The following HS3ST4 variants were observed in gnomAD, a reference collection of about 807,000 sequenced individuals.
HS3ST4 encodes the protein heparan sulfate glucosamine 3-O-sulfotransferase 4.
HS3ST4 carries 17 observed loss-of-function variants against 29.2 expected under a neutral mutation model. That is an observed-to-expected ratio of 0.58 (90% confidence interval 0.40 to 0.87). HS3ST4 has a LOEUF of 0.87. Ranked by LOEUF, HS3ST4 falls within the 40% of genes least tolerant of loss-of-function variation. The probability of loss-of-function intolerance (pLI) is 0.00; values close to 1 mark genes in which losing one functional copy is unlikely to be tolerated. For synonymous variants in HS3ST4, 314 were observed against 285.7 expected (o/e 1.10, Z -1.00); for missense variants, 627 against 634.5 (o/e 0.99, Z 0.13).
chr16:26,122,467 G>C (rs1567317389), intron 1 of HS3ST4, among the ~76,000 whole-genome samples: 3 of 152,090 alleles, frequency 2.0e-5, no homozygotes, highest in Non-Finnish European at 4.4e-5. Flanking sequence ...AAAGGTCAGG[G>C]ATGACAGAAA....
chr16:25,749,672 T>G (rs918014328), intron 1 of HS3ST4, among the ~76,000 whole-genome samples: 1 of 152,202 alleles, frequency 6.6e-6, no homozygotes, highest in Admixed American at 6.5e-5. Context: ...TTCCCATTTG[T>G]AAAAGGGATA....
chr16:26,062,576 T>C (rs1898488909), intron 1 of HS3ST4, among the ~76,000 whole-genome samples: 1 of 152,072 alleles, frequency 6.6e-6, no homozygotes, highest in African/African-American at 2.4e-5. Flanking sequence ...TTCGGAATCA[T>C]CTTCATTGCC....
chr16:26,044,942 G>A (rs1898247524), intron 1 of HS3ST4, among the ~76,000 whole-genome samples: 1 of 152,144 alleles, frequency 6.6e-6, no homozygotes, highest in South Asian at 2.1e-4. Context: ...CCCTGGACAG[G>A]ATTGATTGCT....
At chr16:26,030,013 A>T (rs1450384309) in intron 1 of HS3ST4, among the ~76,000 whole-genome samples, 1 of 152,204 alleles carries the variant, frequency 6.6e-6, no homozygotes, top group East Asian at 1.9e-4. Flanking sequence ...TCTTTGTGAG[A>T]GCAAGACCTG....
intron 1 of HS3ST4, among the ~76,000 whole-genome samples, chr16:25,930,625 G>C (rs926987976): frequency 1.3e-5 from 2 of 152,106 alleles, no homozygotes; most frequent in Non-Finnish European, 2.9e-5. Flanking sequence ...GTCTGACTGC[G>C]ACCAAGAGGA....
At chr16:25,701,435 A>G (rs546247904) in intron 1 of HS3ST4, among the ~76,000 whole-genome samples, 4 of 152,252 alleles carry the variant, frequency 2.6e-5, no homozygotes, top group Admixed American at 2.6e-4. Flanking sequence ...TAATTTCCCC[A>G]TTGCAACCAC....
chr16:26,059,970 G>A (rs1218947306), intron 1 of HS3ST4, among the ~76,000 whole-genome samples: 3 of 151,932 alleles, frequency 2.0e-5, no homozygotes, highest in Admixed American at 6.6e-5. Flanking sequence ...AGTAGAGATG[G>A]GGTTTCACTG....
At chr16:25,841,147 A>T (rs574959412) in intron 1 of HS3ST4, among the ~76,000 whole-genome samples, 14 of 152,032 alleles carry the variant, frequency 9.2e-5, no homozygotes, top group African/African-American at 3.1e-4. Context: ...CTGGGACTAC[A>T]GGTGCCCGCC....
At chr16:25,826,419 A>G (rs761037789) in intron 1 of HS3ST4, 10 of 152,172 alleles carry the variant, frequency 6.6e-5, no homozygotes, top group Non-Finnish European at 1.3e-4. Flanking sequence ...AATTCAGTCC[A>G]TTGCATGCAG....
chr16:25,781,619 A>G (rs1966852693), intron 1 of HS3ST4, among the ~76,000 whole-genome samples: 2 of 152,178 alleles, frequency 1.3e-5, no homozygotes, highest in South Asian at 2.1e-4. Context: ...CTGCATTTGA[A>G]GGAGACACAA....
chr16:25,780,477 C>A (rs900364243), intron 1 of HS3ST4, among the ~76,000 whole-genome samples: 2 of 152,146 alleles, frequency 1.3e-5, no homozygotes, highest in African/African-American at 4.8e-5. Context: ...CTAATTCATG[C>A]AAGTCACAGA....
intron 1 of HS3ST4, among the ~76,000 whole-genome samples, chr16:25,956,188 C>A (rs562989343): frequency 6.6e-6 from 1 of 152,168 alleles, no homozygotes; most frequent in Non-Finnish European, 1.5e-5. Context: ...TGCATCCTCT[C>A]GTCTTATTCT....
chr16:26,090,933 C>G (rs959942525), intron 1 of HS3ST4, among the ~76,000 whole-genome samples: 1 of 152,210 alleles, frequency 6.6e-6, no homozygotes, highest in South Asian at 2.1e-4. Flanking sequence ...TCTCAGTTAA[C>G]AAGGCTAGGT....
intron 1 of HS3ST4, among the ~76,000 whole-genome samples, chr16:25,709,547 G>A (rs538045559): frequency 7.8e-4 from 119 of 152,236 alleles, no homozygotes; most frequent in Non-Finnish European, 2.1e-4. Context: ...ACACAGTGAG[G>A]TTCCACCGGC....
In HS3ST4 at chr16:25,915,927, G is replaced by A. The variant is rs545002253; in HGVS notation, c.735-219685G>A. 5.3e-5 allele frequency among the ~76,000 whole-genome samples: 8 copies of A among 152,210 alleles called. No homozygotes were observed. In the South Asian group the frequency reaches 6.2e-4, roughly 12 times the overall value. On this transcript the variant is annotated intron_variant, in intron 1 of 1. Coordinates refer to ENST00000331351, the MANE Select transcript of HS3ST4 (RefSeq NM_006040.3). ...GTTGTTGGAGGATTAAGTGAAATACGGCATGTTAAGGGCTTAGCTGGGTGC... is the reference window on the plus strand; with the variant it reads ...GTTGTTGGAGGATTAAGTGAAATACAGCATGTTAAGGGCTTAGCTGGGTGC...
At chr16:25,805,909 T>C (rs1168504888) in intron 1 of HS3ST4, among the ~76,000 whole-genome samples, 2 of 152,096 alleles carry the variant, frequency 1.3e-5, no homozygotes, top group African/African-American at 4.8e-5. Context: ...TCTGTGTCCA[T>C]GTGTTCTCAT....
chr16:25,848,139 T>A (rs1967483868), intron 1 of HS3ST4, among the ~76,000 whole-genome samples: 1 of 146,540 alleles, frequency 6.8e-6, no homozygotes, highest in Admixed American at 6.9e-5. Flanking sequence ...ATTTGCTAAC[T>A]TTTTTTTTTT....
At chr16:25,827,256 CTCCTTG>C (rs1967227267) in intron 1 of HS3ST4, among the ~76,000 whole-genome samples, 2 of 152,146 alleles carry the variant, frequency 1.3e-5, no homozygotes, top group Admixed American at 6.5e-5. Context: ...AACTGGCTTT[CTCCTTG>C]TCCGAGCCAG....
chr16:25,719,269 T>C (rs1596552219), intron 1 of HS3ST4, among the ~76,000 whole-genome samples: 1 of 152,236 alleles, frequency 6.6e-6, no homozygotes, highest in East Asian at 1.9e-4. Context: ...AAGAAATACT[T>C]AAGGCATCCA....
Sources: gnomAD v4.1 joint callset for allele counts (sites outside exome capture counted in the v4.1 genomes callset) on GRCh38, gnomAD v4.1.1 for gene constraint, MANE v1.5 for transcripts, NCBI Gene and HGNC (gene_info 2026-07-23, HGNC 2026-07-21) for gene names.